B3GNT2: variants seen among roughly 807,000 people sequenced by gnomAD.
B3GNT2 encodes the protein UDP-GlcNAc:betaGal beta-1,3-N-acetylglucosaminyltransferase 2.
In B3GNT2, 12 loss-of-function variants were observed where a neutral mutation model predicts 27.6. The observed-to-expected ratio is 0.44, with a 90% confidence interval of 0.28 to 0.71. The LOEUF (loss-of-function observed/expected upper bound fraction) is 0.71. B3GNT2 is among the 30% of genes least tolerant of loss of function. The probability of loss-of-function intolerance (pLI) is 0.17; values close to 1 mark genes in which losing one functional copy is unlikely to be tolerated. For synonymous variants in B3GNT2, 192 were observed against 189.7 expected (o/e 1.01, Z -0.10); for missense variants, 413 against 488.5 (o/e 0.85, Z 1.46).
intron 1 of B3GNT2, among the ~76,000 whole-genome samples, chr2:62,210,628 G>A (rs1442351264): frequency 6.6e-6 from 1 of 151,934 alleles, no homozygotes; most frequent in African/African-American, 2.4e-5. Context: ...AAATTAGCTG[G>A]GTGTGGTGGT....
chr2:62,217,196 A>G (rs908776964), intron 1 of B3GNT2, among the ~76,000 whole-genome samples: 7 of 152,218 alleles, frequency 4.6e-5, no homozygotes, highest in African/African-American at 1.7e-4. Context: ...ACCATGGAAA[A>G]TTAGACACAA....
chr2:62,202,653 G>A (rs750447893), intron 1 of B3GNT2, among the ~76,000 whole-genome samples: 1 of 152,150 alleles, frequency 6.6e-6, no homozygotes, highest in Admixed American at 6.5e-5. Context: ...CCTGACCCCG[G>A]GCAGGTCATT....
Position 62,211,277 on chromosome 2 carries a change from AC to A in B3GNT2, c.-9-10932del, listed in dbSNP as rs1221153061. Among the ~76,000 whole-genome samples the A allele has an allele frequency of 2.6e-5, 4 of 152,068 alleles. No individual in the cohort carries two copies. The East Asian group carries it at 7.7e-4, about 29-fold the overall frequency. Reference sequence around the variant, plus strand: ...GCTGAAGTGTGGGGGCATCGATTGAACCCAGGAGGTTGAGGCTGCAGTGAGC... The same window carrying A: ...GCTGAAGTGTGGGGGCATCGATTGAACCAGGAGGTTGAGGCTGCAGTGAGC... On this transcript the variant is annotated intron_variant, in intron 1 of 1. Transcript: ENST00000301998.
At chr2:62,213,976 C>A (rs976432065) in intron 1 of B3GNT2, among the ~76,000 whole-genome samples, 7 of 152,086 alleles carry the variant, frequency 4.6e-5, no homozygotes, top group Non-Finnish European at 1.0e-4. Flanking sequence ...AGTGTGAAGA[C>A]CTTGACTGCG....
chr2:62,206,933 T>C (rs1674386949), intron 1 of B3GNT2, among the ~76,000 whole-genome samples: 1 of 152,204 alleles, frequency 6.6e-6, no homozygotes, highest in East Asian at 1.9e-4. Context: ...GAAACCTTCA[T>C]CCTAACTACC....
chr2:62,208,861 A>T (rs941086188), intron 1 of B3GNT2, among the ~76,000 whole-genome samples: 1 of 152,114 alleles, frequency 6.6e-6, no homozygotes, highest in Non-Finnish European at 1.5e-5. Flanking sequence ...GGTGTGTCAG[A>T]CCTGTTATCA....
intron 1 of B3GNT2, among the ~76,000 whole-genome samples, chr2:62,199,064 C>A (rs143913016): frequency 0.021 from 3,147 of 152,244 alleles, 107 homozygotes; most frequent in African/African-American, 0.072. Flanking sequence ...CCTCAGCCTC[C>A]CCAGTAGCTG....
At chr2:62,198,430 T>A (rs1379544340) in intron 1 of B3GNT2, among the ~76,000 whole-genome samples, 1 of 152,218 alleles carries the variant, frequency 6.6e-6, no homozygotes, top group East Asian at 1.9e-4. Flanking sequence ...ATTGCTGTAA[T>A]CAATAGAGAA....
At chr2:62,219,384 C>T (rs1558636660) in intron 1 of B3GNT2, among the ~76,000 whole-genome samples, 1 of 152,206 alleles carries the variant, frequency 6.6e-6, no homozygotes, top group Non-Finnish European at 1.5e-5. Context: ...ACGATCTCAG[C>T]TCACTGCAAC....
chr2:62,211,700 C>G (rs1008693399), intron 1 of B3GNT2, among the ~76,000 whole-genome samples: 3 of 152,190 alleles, frequency 2.0e-5, no homozygotes, highest in Admixed American at 2.0e-4. Flanking sequence ...CAGCCCTGGG[C>G]CCCACCAGCT....
intron 1 of B3GNT2, among the ~76,000 whole-genome samples, chr2:62,209,505 G>A (rs528973054): frequency 2.4e-4 from 37 of 152,176 alleles, no homozygotes; most frequent in Non-Finnish European, 4.6e-4. Flanking sequence ...TAAGCCAGGC[G>A]TGGTGGCACA....
At chr2:62,218,647 G>C (rs1674621402) in intron 1 of B3GNT2, among the ~76,000 whole-genome samples, 1 of 152,194 alleles carries the variant, frequency 6.6e-6, no homozygotes, top group Admixed American at 6.5e-5. Flanking sequence ...AGAGAGTCCT[G>C]GATTGGGAGC....
At chr2:62,208,479 T>C (rs1452230009) in intron 1 of B3GNT2, among the ~76,000 whole-genome samples, 3 of 152,188 alleles carry the variant, frequency 2.0e-5, no homozygotes, top group Non-Finnish European at 2.9e-5. Flanking sequence ...CTGAGTCATG[T>C]TTTTAGGTGA....
At chr2:62,205,065 G>C (rs1343222631) in intron 1 of B3GNT2, among the ~76,000 whole-genome samples, 1 of 152,212 alleles carries the variant, frequency 6.6e-6, no homozygotes, top group African/African-American at 2.4e-5. Context: ...GAGAGTGACA[G>C]GCAGACCGGC....
intron 1 of B3GNT2, among the ~76,000 whole-genome samples, chr2:62,207,453 A>G (rs944932304): frequency 1.3e-5 from 2 of 152,302 alleles, no homozygotes; most frequent in African/African-American, 4.8e-5. Context: ...TTGGAAAGGC[A>G]GTGGTTGTTT....
intron 1 of B3GNT2, among the ~76,000 whole-genome samples, chr2:62,218,663 G>C: frequency 6.6e-6 from 1 of 152,324 alleles, no homozygotes; most frequent in South Asian, 2.1e-4. Flanking sequence ...GGAGCCAGAA[G>C]GTGGTCTTGT....
intron 1 of B3GNT2, among the ~76,000 whole-genome samples, chr2:62,213,610 G>A (rs978061037): frequency 1.3e-5 from 2 of 152,076 alleles, no homozygotes; most frequent in Admixed American, 6.5e-5. Context: ...ATGAGGGGGC[G>A]GCTGTACTTC....
At chr2:62,199,209 G>A (rs987741272) in intron 1 of B3GNT2, among the ~76,000 whole-genome samples, 4 of 152,198 alleles carry the variant, frequency 2.6e-5, no homozygotes, top group African/African-American at 4.8e-5. Flanking sequence ...AAAGTGCTGG[G>A]ATTACAGACG....
At chr2:62,209,481 G>A (rs143710288) in intron 1 of B3GNT2, among the ~76,000 whole-genome samples, 160 of 152,284 alleles carry the variant, frequency 1.1e-3, no homozygotes, top group Middle Eastern at 3.4e-3. Flanking sequence ...TGAAAAACAA[G>A]TAAAAGAATG....
Sources: allele counts gnomAD v4.1 joint callset (sites outside exome capture counted in the v4.1 genomes callset), GRCh38; gene constraint gnomAD v4.1.1; transcripts MANE v1.5; gene names NCBI Gene and HGNC (gene_info 2026-07-23, HGNC 2026-07-21).